The following CAST variants were observed in gnomAD, a reference collection of about 807,000 sequenced individuals.
The protein encoded by CAST is calpastatin, also known as MIR583 host.
A neutral mutation model predicts 119.6 loss-of-function variants in CAST; 76 were observed. The ratio of observed to expected loss-of-function variants is 0.64; its 90% CI spans 0.53 to 0.77. The LOEUF is 0.77. Ranked by LOEUF, CAST falls within the 30% of genes least tolerant of loss-of-function variation. The pLI, the probability that CAST is intolerant of heterozygous loss-of-function variation, is 0.00. For synonymous variants in CAST, 319 were observed against 331.6 expected (o/e 0.96, Z 0.41); for missense variants, 953 against 946.5 (o/e 1.01, Z -0.09).
intron 31 of CAST, chr5:96,772,179 CATTTTT>C (rs1772649241): frequency 1.3e-5 from 2 of 153,766 alleles, no homozygotes; most frequent in Admixed American, 1.3e-4. Context: ...AAAGATTGGC[CATTTTT>C]ATTTGTCATT....
the CAST span, among the ~76,000 whole-genome samples, chr5:96,099,874 A>G: frequency 6.6e-6 from 1 of 152,122 alleles, no homozygotes; most frequent in Non-Finnish European, 1.5e-5. Context: ...CCTCCTCCTC[A>G]ATTTTTTGGA....
the CAST span, among the ~76,000 whole-genome samples, chr5:96,022,149 T>TGC: frequency 6.6e-6 from 1 of 152,184 alleles, no homozygotes; most frequent in African/African-American, 2.4e-5. Context: ...CCATTTTATA[T>TGC]AAAGGGCTTG....
At chr5:96,217,854 T>C in the CAST span, among the ~76,000 whole-genome samples, 1 of 152,216 alleles carries the variant, frequency 6.6e-6, no homozygotes, top group Non-Finnish European at 1.5e-5. Flanking sequence ...CATGGTTTGC[T>C]GTGAATGTTC....
the CAST span, among the ~76,000 whole-genome samples, chr5:96,142,980 G>T: frequency 1.3e-5 from 2 of 152,160 alleles, no homozygotes; most frequent in African/African-American, 4.8e-5. Context: ...AGACCCTGAA[G>T]TTTGACACTC....
chr5:96,113,531 G>GA, the CAST span, among the ~76,000 whole-genome samples: 1 of 152,206 alleles, frequency 6.6e-6, no homozygotes, highest in Non-Finnish European at 1.5e-5. Flanking sequence ...ATAGCTCAGA[G>GA]AAAAAAGAAA....
At chr5:96,717,772 T>A (rs1757443245) in intron 3 of CAST, among the ~76,000 whole-genome samples, 1 of 152,122 alleles carries the variant, frequency 6.6e-6, no homozygotes, top group Admixed American at 6.5e-5. Flanking sequence ...TATGGGGTCA[T>A]GATGAGAGAG....
the CAST span, among the ~76,000 whole-genome samples, chr5:96,283,023 G>C: frequency 6.7e-6 from 1 of 150,164 alleles, no homozygotes; most frequent in African/African-American, 2.5e-5. Flanking sequence ...CCAGCTACTC[G>C]GGAGGCTGAG....
intron 1 of CAST, among the ~76,000 whole-genome samples, chr5:96,604,973 G>C (rs1747225573): frequency 6.6e-6 from 1 of 152,172 alleles, no homozygotes; most frequent in Non-Finnish European, 1.5e-5. Flanking sequence ...GTCTGTAGAG[G>C]CGGAGGAGAA....
chr5:96,221,296 G>A, the CAST span, among the ~76,000 whole-genome samples: 2 of 152,120 alleles, frequency 1.3e-5, no homozygotes, highest in East Asian at 3.9e-4. Flanking sequence ...AAAATAAAGG[G>A]CATTCGAATT....
chr5:96,118,020 G>A, the CAST span, among the ~76,000 whole-genome samples: 1 of 152,140 alleles, frequency 6.6e-6, no homozygotes, highest in Non-Finnish European at 1.5e-5. Context: ...CAGCACCTTG[G>A]AACTTTTGCA....
the CAST span, among the ~76,000 whole-genome samples, chr5:96,038,618 G>A: frequency 5.4e-5 from 8 of 149,396 alleles, no homozygotes; most frequent in East Asian, 4.1e-4. Context: ...GAGAACATGC[G>A]GTGTTTGCTT....
At chr5:96,697,679 G>A (rs1753462527) in intron 3 of CAST, among the ~76,000 whole-genome samples, 1 of 152,166 alleles carries the variant, frequency 6.6e-6, no homozygotes, top group African/African-American at 2.4e-5. Context: ...ATGGCCACTG[G>A]GTGAGAGAGT....
At chr5:96,392,763 C>A in the CAST span, 2 of 561,756 alleles carry the variant, frequency 3.6e-6, no homozygotes, top group Non-Finnish European at 6.3e-6. Flanking sequence ...GAACAAAACA[C>A]TTCACTTGTG....
chr5:96,200,140 G>C, the CAST span, among the ~76,000 whole-genome samples: 1 of 152,110 alleles, frequency 6.6e-6, no homozygotes, highest in East Asian at 1.9e-4. Flanking sequence ...AGCTGCCCGT[G>C]TGAATGGGAA....
At chr5:96,668,484 T>C (rs1222973774) in intron 1 of CAST, among the ~76,000 whole-genome samples, 3 of 152,250 alleles carry the variant, frequency 2.0e-5, no homozygotes, top group African/African-American at 4.8e-5. Context: ...TGGCTTCTAA[T>C]TCACCACAGT....
chr5:96,521,889 C>T (rs923329553), upstream of CAST, among the ~76,000 whole-genome samples: 4 of 152,130 alleles, frequency 2.6e-5, no homozygotes, highest in Non-Finnish European at 5.9e-5. Context: ...GAGGCCGAGG[C>T]AGGCAGATCA....
intron 3 of CAST, among the ~76,000 whole-genome samples, chr5:96,696,580 T>C (rs956642345): frequency 1.3e-5 from 2 of 151,104 alleles, no homozygotes; most frequent in African/African-American, 4.9e-5. Flanking sequence ...CTCATGCCTG[T>C]AATCGCAGCA....
chr5:96,241,317 G>A, the CAST span, among the ~76,000 whole-genome samples: 23 of 150,294 alleles, frequency 1.5e-4, no homozygotes, highest in African/African-American at 5.1e-4. Flanking sequence ...GCGGTGTTTG[G>A]TTTTTTGTTC....
At chr5:96,107,765 T>C in the CAST span, among the ~76,000 whole-genome samples, 4 of 152,262 alleles carry the variant, frequency 2.6e-5, no homozygotes, top group Non-Finnish European at 5.9e-5. Context: ...ATCTGAATGT[T>C]GGTCTGCCTT....
Sources: gnomAD v4.1 joint callset for allele counts (sites outside exome capture counted in the v4.1 genomes callset) on GRCh38, gnomAD v4.1.1 for gene constraint, MANE v1.5 for transcripts, NCBI Gene and HGNC (gene_info 2026-07-23, HGNC 2026-07-21) for gene names.